ANKRD36: variants seen among roughly 807,000 people sequenced by gnomAD.
The protein encoded by ANKRD36 is ankyrin repeat domain-containing protein 36A.
In ANKRD36, 179 loss-of-function variants were observed where a neutral mutation model predicts 278.1. That is an observed-to-expected ratio of 0.64 (90% CI 0.57 to 0.73). The LOEUF (loss-of-function observed/expected upper bound fraction) is 0.73, where lower values mean the gene tolerates loss of function less well. ANKRD36 is among the 30% of genes least tolerant of loss of function. ANKRD36 has a pLI of 0.00. For synonymous variants in ANKRD36, 320 were observed against 641.1 expected (o/e 0.50, Z 7.57); for missense variants, 1,159 against 1,956.7 (o/e 0.59, Z 7.69).
intron 22 of ANKRD36, among the ~76,000 whole-genome samples, chr2:97,171,701 TTA>T (rs1491258013): frequency 1.5e-5 from 2 of 135,414 alleles, no homozygotes; most frequent in Admixed American, 7.3e-5. Flanking sequence ...TAAAGTATAA[TTA>T]AAAAAAAAAA....
At chr2:97,159,403 A>C (rs1204908223) in intron 17 of ANKRD36, among the ~76,000 whole-genome samples, 4 of 152,114 alleles carry the variant, frequency 2.6e-5, no homozygotes, top group African/African-American at 9.6e-5. Context: ...CATCACACGT[A>C]CACTGAAAAT....
In ANKRD36 at chr2:97,189,386, G is replaced by A. The variant is rs1200882910; in HGVS notation, c.2245+96G>A. ...TCAGCGGAGGGTGGGTGGGGGGCTC[G>A]CCTAATCTGCACATTCTGATTCAGC... On this transcript the variant is annotated intron_variant, in intron 34 of 75. Coordinates refer to ENST00000420699, the MANE Select transcript of ANKRD36 (RefSeq NM_001354587.1). 5.1e-5 allele frequency: 29 copies of A among 564,590 alleles called. 9 individuals carry two copies. Among genetic ancestry groups the A allele is most frequent in the Admixed American group, 1.6e-4 (5 of 31,062 alleles). 35.0% of individuals were successfully genotyped at this position (564,590 alleles called of 1,614,324 possible).
intron 67 of ANKRD36, among the ~76,000 whole-genome samples, chr2:97,226,442 C>G (rs62156186): frequency 0.39 from 50,767 of 131,694 alleles, 15,025 homozygotes; most frequent in African/African-American, 0.75. Flanking sequence ...AGTGTCTGTT[C>G]ATGTCCTTTG....
chr2:97,142,068 A>G (rs1040210243), intron 6 of ANKRD36, among the ~76,000 whole-genome samples: 3 of 152,292 alleles, frequency 2.0e-5, no homozygotes, highest in African/African-American at 7.2e-5. Flanking sequence ...CTGAGAAATA[A>G]TGAATACTGT....
At chr2:97,195,929 T>C (rs1247696047) in intron 40 of ANKRD36, among the ~76,000 whole-genome samples, 2 of 152,074 alleles carry the variant, frequency 1.3e-5, no homozygotes, top group East Asian at 3.9e-4. Context: ...TATTATCCTT[T>C]GGTGCCATGA....
intron 44 of ANKRD36, among the ~76,000 whole-genome samples, chr2:97,199,635 A>G (rs1173126800): frequency 1.3e-5 from 2 of 151,904 alleles, no homozygotes; most frequent in East Asian, 1.9e-4. Context: ...TTGATAATTG[A>G]TGATATTTTT....
intron 67 of ANKRD36, among the ~76,000 whole-genome samples, 158 bp from the exon 68 acceptor site, chr2:97,233,572 C>T: frequency 6.6e-6 from 1 of 151,994 alleles, no homozygotes; most frequent in Non-Finnish European, 1.5e-5. Context: ...GTCTTCTGAA[C>T]TAGAGTCAAC....
intron 32 of ANKRD36, among the ~76,000 whole-genome samples, chr2:97,187,675 G>A (rs1378055896): frequency 1.3e-5 from 2 of 151,738 alleles, no homozygotes; most frequent in Non-Finnish European, 2.9e-5. Context: ...GGGGCTCTGG[G>A]GAACAGCATA....
intron 11 of ANKRD36, among the ~76,000 whole-genome samples, chr2:97,148,805 C>T (rs4114685): frequency 1.3e-5 from 2 of 152,294 alleles, no homozygotes; most frequent in African/African-American, 2.4e-5. Context: ...GCTGAAGATC[C>T]AAGACTCCCA....
intron 11 of ANKRD36, among the ~76,000 whole-genome samples, chr2:97,147,186 G>T (rs2923986): frequency 4.6e-5 from 7 of 151,912 alleles, no homozygotes; most frequent in South Asian, 2.1e-4. Flanking sequence ...TCTAATTCAT[G>T]TCTCTACTTA....
At chr2:97,163,724 T>C (rs556411871) in intron 18 of ANKRD36, 13 of 196,588 alleles carry the variant, frequency 6.6e-5, no homozygotes, top group South Asian at 1.6e-4. Context: ...TACAGGCGCC[T>C]GCCACCACAC....
At chr2:97,120,129 G>T (rs1226886404) in intron 3 of ANKRD36, among the ~76,000 whole-genome samples, 1 of 12,686 alleles carries the variant, frequency 7.9e-5, no homozygotes, top group Non-Finnish European at 3.6e-4. Flanking sequence ...TTAGAAATTT[G>T]CTATTGTGGA....
At chr2:97,207,324 T>A (rs56016780) in intron 52 of ANKRD36, among the ~76,000 whole-genome samples, 3,556 of 151,502 alleles carry the variant, frequency 0.023, 130 homozygotes, top group African/African-American at 0.081. Context: ...ATGTGAAGTG[T>A]ACGTTCAACT....
intron 17 of ANKRD36, among the ~76,000 whole-genome samples, chr2:97,161,491 A>G (rs569711692): frequency 3.3e-5 from 5 of 151,922 alleles, no homozygotes; most frequent in African/African-American, 9.7e-5. Context: ...TCTTCTCCCC[A>G]TGTTTATCTG....
intron 17 of ANKRD36, 148 bp from the exon 18 acceptor site, chr2:97,161,951 A>G: frequency 1.8e-6 from 1 of 558,850 alleles, no homozygotes; most frequent in Non-Finnish European, 2.6e-6. Context: ...CACTTGATAA[A>G]TAAATAAAAT....
rs1268038007 is a variant in ANKRD36 at position 97,221,227 on chromosome 2, G to T, written c.3877+1981G>T. ...AGTCTTTGCTATTGTGAATAGTGCC[G>T]CAATAAACATACGTGTGCATGTGTC... is the stretch of plus-strand genomic sequence containing the variant. On this transcript the variant is annotated intron_variant, in intron 66 of 75. Coordinates refer to ENST00000420699, the MANE Select transcript of ANKRD36 (RefSeq NM_001354587.1). 2.5e-5 allele frequency among the ~76,000 whole-genome samples: 3 copies of T among 120,796 alleles called. No homozygotes were observed. The Admixed American group carries it at 2.5e-4, about 10-fold the overall frequency. The allele number at this position is 120,796 out of a possible 152,430, so 79.2% of individuals were successfully genotyped here.
At chr2:97,250,795 A>G (rs2075881477) in intron 75 of ANKRD36, among the ~76,000 whole-genome samples, 1 of 80,690 alleles carries the variant, frequency 1.2e-5, no homozygotes, top group East Asian at 6.1e-4. Flanking sequence ...ACTAGACTAC[A>G]TGGAGCTCCA....
chr2:97,213,335 A>G (rs1346092092), intron 58 of ANKRD36, 84 bp from the exon 59 acceptor site: 2 of 394,560 alleles, frequency 5.1e-6, no homozygotes, highest in African/African-American at 5.7e-5. Flanking sequence ...AGGAAGATAC[A>G]TCTTGATGCC....
At chr2:97,203,421 T>A (rs1259365820) in intron 48 of ANKRD36, among the ~76,000 whole-genome samples, 4 of 151,864 alleles carry the variant, frequency 2.6e-5, no homozygotes, top group African/African-American at 9.7e-5. Context: ...CACGACTGGA[T>A]GAAGAAACTT....
Sources: gnomAD v4.1 joint callset for allele counts (sites outside exome capture counted in the v4.1 genomes callset) on GRCh38, gnomAD v4.1.1 for gene constraint, MANE v1.5 for transcripts, NCBI Gene and HGNC (gene_info 2026-07-23, HGNC 2026-07-21) for gene names.